The following PPM1E variants were observed in gnomAD, a reference collection of about 807,000 sequenced individuals.
The protein encoded by PPM1E is protein phosphatase 1E.
PPM1E carries 20 observed loss-of-function variants against 65.9 expected under a neutral mutation model. That is an observed-to-expected ratio of 0.30 (90% CI 0.21 to 0.44). The LOEUF (loss-of-function observed/expected upper bound fraction) is 0.44, where lower values mean the gene tolerates loss of function less well. Among genes scored for constraint, PPM1E ranks in the 20% least tolerant of loss-of-function variants. The pLI, the probability that PPM1E is intolerant of heterozygous loss-of-function variation, is 1.00. For missense variants in PPM1E, 713 were observed against 953.1 expected (o/e 0.75, Z 3.32); for synonymous variants, 352 against 374.9 (o/e 0.94, Z 0.70).
At chr17:58,967,480 T>C (rs2030322857) in intron 3 of PPM1E, among the ~76,000 whole-genome samples, 1 of 150,946 alleles carries the variant, frequency 6.6e-6, no homozygotes, top group Admixed American at 6.6e-5. Flanking sequence ...CACATTCTGA[T>C]CCTAATTTCA....
chr17:58,954,610 G>A (rs544297638), intron 1 of PPM1E, among the ~76,000 whole-genome samples: 1 of 152,222 alleles, frequency 6.6e-6, no homozygotes, highest in African/African-American at 2.4e-5. Context: ...AGGCGCAGTG[G>A]CTCACACCTG....
intron 1 of PPM1E, among the ~76,000 whole-genome samples, chr17:58,853,523 TA>T (rs1200289616): frequency 2.6e-5 from 4 of 152,286 alleles, no homozygotes; most frequent in African/African-American, 9.6e-5. Flanking sequence ...AGCTTTGTAG[TA>T]ACTTTTGAAA....
chr17:58,924,625 A>G (rs982997680), intron 1 of PPM1E, among the ~76,000 whole-genome samples: 1 of 152,192 alleles, frequency 6.6e-6, no homozygotes, highest in Non-Finnish European at 1.5e-5. Context: ...TTTGTTACAT[A>G]GGCATACATG....
At chr17:58,783,537 C>G (rs990803314) in intron 1 of PPM1E, among the ~76,000 whole-genome samples, 1 of 152,096 alleles carries the variant, frequency 6.6e-6, no homozygotes, top group South Asian at 2.1e-4. Flanking sequence ...TGGCGTATGT[C>G]CAAATGACAG....
intron 1 of PPM1E, among the ~76,000 whole-genome samples, chr17:58,950,938 C>G (rs1045208809): frequency 6.6e-6 from 1 of 152,066 alleles, no homozygotes; most frequent in African/African-American, 2.4e-5. Flanking sequence ...GCCACCATGC[C>G]TGGCTAATTT....
At chr17:58,831,512 T>C (rs1437605444) in intron 1 of PPM1E, among the ~76,000 whole-genome samples, 1 of 152,214 alleles carries the variant, frequency 6.6e-6, no homozygotes, top group Non-Finnish European at 1.5e-5. Context: ...TCTCCTGCCA[T>C]GTGAGGGAGG....
At chr17:58,884,251 T>C (rs1209885570) in intron 1 of PPM1E, among the ~76,000 whole-genome samples, 1 of 152,208 alleles carries the variant, frequency 6.6e-6, no homozygotes, top group Non-Finnish European at 1.5e-5. Flanking sequence ...TCCATTCCAC[T>C]CCCAACTTAC....
intron 1 of PPM1E, among the ~76,000 whole-genome samples, chr17:58,912,233 G>T (rs940487631): frequency 6.6e-6 from 1 of 152,154 alleles, no homozygotes; most frequent in African/African-American, 2.4e-5. Flanking sequence ...GCTGCTTGCA[G>T]GCTAGAAACA....
chr17:58,932,119 A>G (rs1256663002), intron 1 of PPM1E, among the ~76,000 whole-genome samples: 1 of 152,024 alleles, frequency 6.6e-6, no homozygotes, highest in African/African-American at 2.4e-5. Flanking sequence ...TTTTTCAGAA[A>G]TAAATAAAAA....
At chr17:58,826,760 G>A (rs575532527) in intron 1 of PPM1E, among the ~76,000 whole-genome samples, 1 of 151,786 alleles carries the variant, frequency 6.6e-6, no homozygotes, top group African/African-American at 2.4e-5. Flanking sequence ...TTTGTAGCTG[G>A]GAATACAGGT....
rs562301574 is a variant in PPM1E at position 58,860,417 on chromosome 17, T to C, written c.465-95232T>C. Among the ~76,000 whole-genome samples the C allele has an allele frequency of 2.6e-5, 4 of 152,316 alleles. No individual in the cohort carries two copies. The South Asian group carries it at 8.3e-4, about 32-fold the overall frequency. On this transcript the variant is annotated intron_variant, in intron 1 of 6. Transcript: ENST00000308249. Reference sequence around the variant, plus strand: ...TGGTGTGCATACAGTATTCCTTAGTTTTCCATCCCTTATTTCTAATGGCAA... The same window carrying C: ...TGGTGTGCATACAGTATTCCTTAGTCTTCCATCCCTTATTTCTAATGGCAA...
chr17:58,871,358 G>C (rs567469325), intron 1 of PPM1E, among the ~76,000 whole-genome samples: 8 of 151,982 alleles, frequency 5.3e-5, no homozygotes, highest in Non-Finnish European at 1.2e-4. Flanking sequence ...CTCTTCTTAA[G>C]GGTTTTCCTG....
intron 1 of PPM1E, among the ~76,000 whole-genome samples, chr17:58,760,094 T>A (rs2144133407): frequency 6.6e-6 from 1 of 152,370 alleles, no homozygotes; most frequent in Non-Finnish European, 1.5e-5. Context: ...CTTCTCAGGC[T>A]ATCCCACTTC....
intron 1 of PPM1E, among the ~76,000 whole-genome samples, chr17:58,920,040 A>G (rs1256344488): frequency 6.6e-6 from 1 of 152,194 alleles, no homozygotes; most frequent in East Asian, 1.9e-4. Context: ...GTGTTTATCT[A>G]TAAAAGTGGT....
Position 58,845,721 on chromosome 17 carries a change from G to A in PPM1E, c.464+89260G>A, listed in dbSNP as rs9895399. On this transcript the variant is annotated intron_variant, in intron 1 of 6. Coordinates refer to ENST00000308249, the MANE Select transcript of PPM1E (RefSeq NM_014906.5). The stretch of plus-strand genomic sequence containing the variant: ...TTTTGAGACAGAGTCTCGCTCTGTC[G>A]CTAGGCTGGAGTGCAGTGGCGCGAT... 9.0e-4 allele frequency among the ~76,000 whole-genome samples: 137 copies of A among 152,008 alleles called. 1 individual carries two copies. Among genetic ancestry groups the A allele is most frequent in the African/African-American group, 3.2e-3 (132 of 41,488 alleles).
chr17:58,872,436 G>A (rs1356250019), intron 1 of PPM1E, among the ~76,000 whole-genome samples: 1 of 152,204 alleles, frequency 6.6e-6, no homozygotes, highest in East Asian at 1.9e-4. Flanking sequence ...AAAGTAATTT[G>A]TGTTGGTAGC....
chr17:58,920,696 A>G (rs2143532485), intron 1 of PPM1E, among the ~76,000 whole-genome samples: 1 of 152,366 alleles, frequency 6.6e-6, no homozygotes, highest in East Asian at 1.9e-4. Context: ...TAAGTTTGAA[A>G]TGAGCATTAG....
chr17:58,843,316 A>G (rs2050738814), intron 1 of PPM1E, among the ~76,000 whole-genome samples: 1 of 143,024 alleles, frequency 7.0e-6, no homozygotes. Flanking sequence ...ACAGAGTGAG[A>G]CTCCCTCTCA....
intron 1 of PPM1E, 108 bp downstream of exon 1, chr17:58,756,569 C>G: frequency 1.7e-6 from 2 of 1,192,444 alleles, no homozygotes; most frequent in Non-Finnish European, 2.1e-6. Context: ...CTCCTCTCCC[C>G]CGCACCCGCG....
Sources: gnomAD v4.1 joint callset for allele counts (sites outside exome capture counted in the v4.1 genomes callset) on GRCh38, gnomAD v4.1.1 for gene constraint, MANE v1.5 for transcripts, NCBI Gene and HGNC (gene_info 2026-07-23, HGNC 2026-07-21) for gene names.